CPQ: variants seen among roughly 807,000 people sequenced by gnomAD.
CPQ encodes carboxypeptidase Q.
In CPQ, 37 loss-of-function variants were observed where a neutral mutation model predicts 45.7. The ratio of observed to expected loss-of-function variants is 0.81; its 90% confidence interval spans 0.62 to 1.07. The LOEUF is 1.07. Ranked by LOEUF, CPQ falls within the 50% of genes least tolerant of loss-of-function variation. The pLI is 0.00. For missense variants in CPQ, 537 were observed against 572.9 expected (o/e 0.94, Z 0.64); for synonymous variants, 186 against 205.8 (o/e 0.90, Z 0.82).
chr8:96,698,891 A>G (rs749710127), intron 1 of CPQ, among the ~76,000 whole-genome samples: 1 of 152,188 alleles, frequency 6.6e-6, no homozygotes, highest in Admixed American at 6.5e-5. Flanking sequence ...GGGAATGTAA[A>G]TTAGTACAAC....
chr8:96,996,776 C>G (rs1000786268), intron 5 of CPQ, among the ~76,000 whole-genome samples: 1 of 151,896 alleles, frequency 6.6e-6, no homozygotes, highest in African/African-American at 2.4e-5. Context: ...AAAGAATTAT[C>G]ATTAGGTCAT....
At chr8:96,683,489 T>C (rs1809178285) in intron 1 of CPQ, among the ~76,000 whole-genome samples, 1 of 152,186 alleles carries the variant, frequency 6.6e-6, no homozygotes. Flanking sequence ...TTGCTTATAA[T>C]GTAATTTAGA....
chr8:97,007,188 G>A (rs946403797), intron 5 of CPQ, among the ~76,000 whole-genome samples: 2 of 152,166 alleles, frequency 1.3e-5, no homozygotes, highest in African/African-American at 4.8e-5. Flanking sequence ...TGAGAGGAGT[G>A]TCTATTAAGG....
chr8:97,108,007 A>G (rs1465529787), intron 7 of CPQ, among the ~76,000 whole-genome samples: 1 of 152,162 alleles, frequency 6.6e-6, no homozygotes, highest in Non-Finnish European at 1.5e-5. Flanking sequence ...GATGCAGGTG[A>G]GGAAGTGGAT....
intron 1 of CPQ, among the ~76,000 whole-genome samples, chr8:96,721,654 C>G (rs909991711): frequency 6.6e-6 from 1 of 152,038 alleles, no homozygotes; most frequent in Non-Finnish European, 1.5e-5. Context: ...AAACACAAAT[C>G]TCCTGTCATT....
chr8:97,125,070 T>G (rs946129792), intron 7 of CPQ, among the ~76,000 whole-genome samples: 1 of 152,124 alleles, frequency 6.6e-6, no homozygotes, highest in Non-Finnish European at 1.5e-5. Context: ...ACAGGACACA[T>G]GACTACACAT....
At chr8:96,930,474 T>TTCACAAAC (rs1186169897) in intron 4 of CPQ, among the ~76,000 whole-genome samples, 1 of 152,228 alleles carries the variant, frequency 6.6e-6, no homozygotes, top group Non-Finnish European at 1.5e-5. Flanking sequence ...AAGTGAGTCC[T>TTCACAAAC]TCACAAACAT....
intron 6 of CPQ, among the ~76,000 whole-genome samples, chr8:97,030,763 G>A (rs1253951517): frequency 1.3e-5 from 2 of 152,176 alleles, no homozygotes; most frequent in African/African-American, 4.8e-5. Flanking sequence ...ACATTCTAAA[G>A]GACACTGACG....
At chr8:96,797,829 ATCACGAGGT>A (rs1810954609) in intron 2 of CPQ, among the ~76,000 whole-genome samples, 1 of 152,104 alleles carries the variant, frequency 6.6e-6, no homozygotes, top group Admixed American at 6.5e-5. Flanking sequence ...AGGCAGGTGG[ATCACGAGGT>A]CAGGAGATCA....
At chr8:97,041,057 C>G (rs559314946) in intron 6 of CPQ, among the ~76,000 whole-genome samples, 1 of 152,288 alleles carries the variant, frequency 6.6e-6, no homozygotes, top group Non-Finnish European at 1.5e-5. Flanking sequence ...GGCATTGAAT[C>G]TATAAATTGC....
chr8:97,129,303 A>T (rs957055224), intron 7 of CPQ, among the ~76,000 whole-genome samples: 2 of 152,126 alleles, frequency 1.3e-5, no homozygotes, highest in Non-Finnish European at 2.9e-5. Flanking sequence ...CCCTAAGATG[A>T]GTAAATATGA....
At chr8:96,938,372 A>C (rs1813081689) in intron 4 of CPQ, among the ~76,000 whole-genome samples, 1 of 152,312 alleles carries the variant, frequency 6.6e-6, no homozygotes, top group African/African-American at 2.4e-5. Flanking sequence ...ACTCCAGTCT[A>C]GGTGACAGAG....
At chr8:96,700,018 T>G (rs1387944393) in intron 1 of CPQ, among the ~76,000 whole-genome samples, 1 of 152,182 alleles carries the variant, frequency 6.6e-6, no homozygotes, top group African/African-American at 2.4e-5. Flanking sequence ...AAAAGTGGAC[T>G]ACTAGACAAG....
At position 96,796,026 on chromosome 8, in the gene CPQ, A is replaced by T. The variant is rs542611655; in HGVS notation, c.433+10696A>T. 5.3e-5 allele frequency among the ~76,000 whole-genome samples: 8 copies of T among 152,176 alleles called. No individual in the cohort carries two copies. In the East Asian group the frequency reaches 1.5e-3, roughly 29 times the overall value. On this transcript the variant is annotated intron_variant, in intron 2 of 7. Coordinates refer to ENST00000220763, the MANE Select transcript of CPQ (RefSeq NM_016134.4). ...TTTTAATGATACAACGTAAATATATATTTTAATTACTTTAAATTATTAATG... is the reference window on the plus strand; with the variant it reads ...TTTTAATGATACAACGTAAATATATTTTTTAATTACTTTAAATTATTAATG...
intron 7 of CPQ, among the ~76,000 whole-genome samples, chr8:97,077,165 T>C (rs1810861274): frequency 1.3e-5 from 2 of 152,152 alleles, no homozygotes; most frequent in East Asian, 1.9e-4. Flanking sequence ...AATTCAACTT[T>C]TTCTTGTAAA....
chr8:96,670,616 G>A (rs1470436804), intron 1 of CPQ, among the ~76,000 whole-genome samples: 1 of 152,092 alleles, frequency 6.6e-6, no homozygotes, highest in Non-Finnish European at 1.5e-5. Context: ...AGCCAAAATG[G>A]AAAGAATCCA....
chr8:96,763,680 C>G (rs565647472), intron 1 of CPQ, among the ~76,000 whole-genome samples: 11 of 151,850 alleles, frequency 7.2e-5, no homozygotes, highest in African/African-American at 2.7e-4. Context: ...ATAAAAAACT[C>G]TAAGATATAA....
At chr8:96,794,227 C>T (rs1037147459) in intron 2 of CPQ, among the ~76,000 whole-genome samples, 1 of 152,216 alleles carries the variant, frequency 6.6e-6, no homozygotes, top group Non-Finnish European at 1.5e-5. Context: ...CAGATGTTTC[C>T]ATACATCCTC....
In CPQ at chr8:97,036,285, C is replaced by T. The variant is rs1047363067; in HGVS notation, c.1053+6791C>T. Among the ~76,000 whole-genome samples the T allele has an allele frequency of 6.1e-4, 92 of 151,984 alleles. 1 individual carries two copies. The highest frequency in any genetic ancestry group is 1.0e-4 in the Non-Finnish European group (7 of 68,002). ...GAGGAGGAAGATTTCTCTTTTATGC[C>T]CAGAAAAGAGGTTATTCTAGGGAGA... On this transcript the variant is annotated intron_variant, in intron 6 of 7. Coordinates refer to ENST00000220763, the MANE Select transcript of CPQ (RefSeq NM_016134.4).
Sources: gnomAD v4.1 joint callset for allele counts (sites outside exome capture counted in the v4.1 genomes callset) on GRCh38, gnomAD v4.1.1 for gene constraint, MANE v1.5 for transcripts, NCBI Gene and HGNC (gene_info 2026-07-23, HGNC 2026-07-21) for gene names.